SHC4: variants seen among roughly 807,000 people sequenced by gnomAD.
SHC4 encodes SHC-transforming protein 4.
A neutral mutation model predicts 69.4 loss-of-function variants in SHC4; 41 were observed. That is an observed-to-expected ratio of 0.59 (90% CI 0.46 to 0.77). The LOEUF is 0.77. SHC4 is among the 30% of genes least tolerant of loss of function. The pLI is 0.00. For missense variants in SHC4, 777 were observed against 783.8 expected (o/e 0.99, Z 0.10); for synonymous variants, 318 against 299.3 (o/e 1.06, Z -0.64).
At chr15:48,856,843 C>A (rs960744638) in intron 7 of SHC4, among the ~76,000 whole-genome samples, 1 of 149,984 alleles carries the variant, frequency 6.7e-6, no homozygotes, top group Admixed American at 6.6e-5. Context: ...ACAACTCACA[C>A]AGTTTTGTTA....
intron 2 of SHC4, among the ~76,000 whole-genome samples, chr15:48,894,020 G>A (rs993942208): frequency 6.6e-6 from 1 of 152,310 alleles, no homozygotes; most frequent in Admixed American, 6.5e-5. Flanking sequence ...TATTGGGATA[G>A]CATTGAGTAT....
rs1473280046 is a variant in SHC4 at position 48,962,963 on chromosome 15, A to C, written c.53T>G (p.Leu18Arg). 1.2e-6 allele frequency: 2 copies of C among 1,612,884 alleles called. No individual in the cohort carries two copies. The highest frequency in any genetic ancestry group is 3.3e-5 in the Admixed American group (2 of 59,998). ...SLAGLVLYVG[L>R]FGHPGMLHRA... ...GTGCAGCATCCCGGGGTGCCCGAAGAGTCCTACATACAGCACGAGTCCTGC... is the reference window on the plus strand; with the variant it reads ...GTGCAGCATCCCGGGGTGCCCGAAGCGTCCTACATACAGCACGAGTCCTGC... Residue 18 changes from leucine (L) to arginine (R), a missense_variant, in exon 1 of 12, where the codon CTC (leucine) becomes CGC (arginine). By Grantham distance (102) the Leu-to-Arg change is moderately radical (BLOSUM62 -2). Coordinates refer to ENST00000332408, the MANE Select transcript of SHC4 (RefSeq NM_203349.4).
intron 2 of SHC4, among the ~76,000 whole-genome samples, chr15:48,897,919 C>G (rs1016606215): frequency 1.3e-5 from 2 of 152,188 alleles, no homozygotes; most frequent in African/African-American, 4.8e-5. Flanking sequence ...ACAAATTCAC[C>G]TGCGTTTCCC....
rs151306081 is a variant in SHC4, at chr15:48,962,449, G to A, written c.567C>T (p.Gly189=). The part of the protein sequence containing the change: ...RHFLQHLLGM[G]MNYCVRYMGC... ...GACTTACCCTCACACAGTAGTTCAT[G>A]CCCATCCCCAACAGGTGCTGTAGAA... The change falls in exon 1 of 12, where the codon GGC becomes GGT. Residue 189 remains glycine (G), a synonymous_variant. Coordinates refer to ENST00000332408, the MANE Select transcript of SHC4 (RefSeq NM_203349.4). 1.6e-5 allele frequency: 24 copies of A among 1,522,504 alleles called. 1 individual carries two copies. The African/African-American group carries it at 2.9e-4, about 19-fold the overall frequency. The allele number at this position is 1,522,504 out of a possible 1,614,324, so 94.3% of individuals were successfully genotyped here. A position where few individuals can be genotyped will look rare whatever the true frequency, so the allele number is the denominator to read the frequency against.
rs910444591 is a variant in SHC4, at chr15:48,925,016, G to A, written c.586-67C>T. 1.8e-5 allele frequency: 27 copies of A among 1,535,582 alleles called. No individual in the cohort carries two copies. The East Asian group carries it at 2.7e-4, about 15-fold the overall frequency. On this transcript the variant is annotated intron_variant, in intron 1 of 11. Coordinates refer to ENST00000332408, the MANE Select transcript of SHC4 (RefSeq NM_203349.4). Reference sequence around the variant, plus strand: ...CCAAGAAGCTGTCTCTTAGCTTCACGGCAACTTCCTGGGAAGCACCTAAAA... The same window carrying A: ...CCAAGAAGCTGTCTCTTAGCTTCACAGCAACTTCCTGGGAAGCACCTAAAA...
At chr15:48,942,937 G>T (rs1260317109) in intron 1 of SHC4, among the ~76,000 whole-genome samples, 1 of 152,164 alleles carries the variant, frequency 6.6e-6, no homozygotes, top group African/African-American at 2.4e-5. Context: ...ATACCATGCT[G>T]GCTCTAAGCC....
At chr15:48,847,480 T>G (rs973107470) in intron 9 of SHC4, among the ~76,000 whole-genome samples, 1 of 152,204 alleles carries the variant, frequency 6.6e-6, no homozygotes, top group African/African-American at 2.4e-5. Flanking sequence ...ATTAACTCTT[T>G]CAACAACCAG....
At chr15:48,918,292 T>C (rs879895092) in intron 2 of SHC4, among the ~76,000 whole-genome samples, 2 of 152,238 alleles carry the variant, frequency 1.3e-5, no homozygotes, top group Non-Finnish European at 2.9e-5. Flanking sequence ...AAATATTTGA[T>C]TTGAGTGTGG....
At chr15:48,914,016 G>A (rs1326553524) in intron 2 of SHC4, among the ~76,000 whole-genome samples, 5 of 152,190 alleles carry the variant, frequency 3.3e-5, no homozygotes, top group Non-Finnish European at 1.5e-5. Flanking sequence ...TCTCGGGATT[G>A]CTGGTTTTCA....
intron 2 of SHC4, among the ~76,000 whole-genome samples, chr15:48,891,837 T>TTTTTG (rs559222582): frequency 3.9e-4 from 59 of 152,100 alleles, no homozygotes; most frequent in South Asian, 2.5e-3. Context: ...TGCAGACCCA[T>TTTTTG]TTTTGTTTTG....
At chr15:48,846,537 A>T (rs1899095943) in intron 9 of SHC4, among the ~76,000 whole-genome samples, 1 of 152,084 alleles carries the variant, frequency 6.6e-6, no homozygotes, top group Non-Finnish European at 1.5e-5. Flanking sequence ...CTTTTTCAGG[A>T]AGCCTTCCCC....
Position 48,867,873 on chromosome 15 carries a change from T to C in SHC4, c.895-4A>G, listed in dbSNP as rs774488566. On this transcript the variant is annotated splice_region_variant and splice_polypyrimidine_tract_variant and intron_variant, in intron 5 of 11. Transcript: ENST00000332408. ...AGGCAACATAGTCTGTAGTATCCTA[T>C]AAAAAAGGGAAAATGACTGTATTTA... 1.2e-6 allele frequency: 2 copies of C among 1,610,640 alleles called. No homozygotes were observed. Among genetic ancestry groups the C allele is most frequent in the Non-Finnish European group, 1.7e-6 (2 of 1,177,890 alleles).
intron 8 of SHC4, among the ~76,000 whole-genome samples, chr15:48,853,341 CA>C (rs1899250977): frequency 6.6e-6 from 1 of 152,114 alleles, no homozygotes; most frequent in South Asian, 2.1e-4. Flanking sequence ...ACAGATGACA[CA>C]AATGAAAAAG....
intron 2 of SHC4, among the ~76,000 whole-genome samples, chr15:48,892,248 C>T (rs1331319177): frequency 2.0e-5 from 3 of 152,134 alleles, no homozygotes; most frequent in Non-Finnish European, 4.4e-5. Flanking sequence ...GCAGAATTCC[C>T]AAAGATTCTA....
chr15:48,939,124 C>T (rs538765441), intron 1 of SHC4, among the ~76,000 whole-genome samples: 2 of 152,280 alleles, frequency 1.3e-5, no homozygotes, highest in Non-Finnish European at 2.9e-5. Flanking sequence ...TACTGCTGTT[C>T]CTGATTGTCT....
intron 3 of SHC4, among the ~76,000 whole-genome samples, chr15:48,885,366 G>T (rs1900017494): frequency 4.6e-5 from 7 of 152,194 alleles, no homozygotes; most frequent in Admixed American, 4.6e-4. Flanking sequence ...AAGGGCTGTT[G>T]TGAAGATTAA....
At chr15:48,920,540 G>T (rs1567070278) in intron 2 of SHC4, among the ~76,000 whole-genome samples, 1 of 152,058 alleles carries the variant, frequency 6.6e-6, no homozygotes, top group African/African-American at 2.4e-5. Context: ...CTCCCAAAAT[G>T]CTGGGATTAC....
At chr15:48,858,485 T>G (rs1222586019) in intron 6 of SHC4, among the ~76,000 whole-genome samples, 1 of 152,242 alleles carries the variant, frequency 6.6e-6, no homozygotes, top group Non-Finnish European at 1.5e-5. Flanking sequence ...ATACTTTTTC[T>G]GAGGCACAGT....
At chr15:48,838,093 A>G (rs1898930069) in intron 10 of SHC4, among the ~76,000 whole-genome samples, 1 of 152,230 alleles carries the variant, frequency 6.6e-6, no homozygotes, top group Non-Finnish European at 1.5e-5. Context: ...ATCATGATGC[A>G]CTCATACAAT....
Sources: gnomAD v4.1 joint callset for allele counts (sites outside exome capture counted in the v4.1 genomes callset) on GRCh38, gnomAD v4.1.1 for gene constraint, MANE v1.5 for transcripts, NCBI Gene and HGNC (gene_info 2026-07-23, HGNC 2026-07-21) for gene names.